The following TAFA1 variants were observed in gnomAD, a reference collection of about 807,000 sequenced individuals.
The protein encoded by TAFA1 is chemokine-like protein TAFA-1.
In TAFA1, 4 loss-of-function variants were observed where a neutral mutation model predicts 18.5. That is an observed-to-expected ratio of 0.22 (90% CI 0.11 to 0.49). TAFA1 has a LOEUF of 0.49. Among genes scored for constraint, TAFA1 ranks in the 20% least tolerant of loss-of-function variants. TAFA1 has a pLI of 0.98. For synonymous variants in TAFA1, 56 were observed against 55.2 expected, an observed-to-expected ratio of 1.01 and a Z score of -0.06; for missense variants, 147 against 169.0, an observed-to-expected ratio of 0.87 and a Z score of 0.72.
At chr3:68,045,886 C>T (rs976366287) in intron 2 of TAFA1, among the ~76,000 whole-genome samples, 23 of 152,132 alleles carry the variant, frequency 1.5e-4, no homozygotes, top group African/African-American at 5.6e-4. Context: ...TTCGAAAAGA[C>T]TTTATTCATA....
intron 2 of TAFA1, among the ~76,000 whole-genome samples, chr3:68,386,998 T>G (rs2070118912): frequency 6.6e-6 from 1 of 152,112 alleles, no homozygotes; most frequent in South Asian, 2.1e-4. Context: ...AGATTGCTAG[T>G]GTGCTCAGAA....
chr3:68,325,336 C>G (rs555713160), intron 2 of TAFA1, among the ~76,000 whole-genome samples: 84 of 152,182 alleles, frequency 5.5e-4, no homozygotes, highest in African/African-American at 1.9e-3. Context: ...TTCTTAGCCC[C>G]CCAAATACTA....
chr3:68,039,644 C>T (rs971730489), intron 2 of TAFA1, among the ~76,000 whole-genome samples: 9 of 152,096 alleles, frequency 5.9e-5, no homozygotes, highest in Non-Finnish European at 1.0e-4. Flanking sequence ...CATGAAGAGT[C>T]GCATTACCCC....
intron 2 of TAFA1, among the ~76,000 whole-genome samples, chr3:68,124,731 A>G (rs1457179630): frequency 6.6e-6 from 1 of 152,194 alleles, no homozygotes; most frequent in African/African-American, 2.4e-5. Flanking sequence ...GTGAGTCAGG[A>G]TTTGAACCAA....
intron 2 of TAFA1, among the ~76,000 whole-genome samples, chr3:68,051,839 A>G (rs908987752): frequency 6.6e-6 from 1 of 152,096 alleles, no homozygotes; most frequent in Non-Finnish European, 1.5e-5. Flanking sequence ...CCAGGTAGCT[A>G]GCTGACAAAA....
intron 2 of TAFA1, among the ~76,000 whole-genome samples, chr3:68,302,135 G>C (rs2068313393): frequency 6.6e-6 from 1 of 152,094 alleles, no homozygotes; most frequent in Non-Finnish European, 1.5e-5. Flanking sequence ...TTTAGGAAGA[G>C]AGAAATATTT....
intron 2 of TAFA1, among the ~76,000 whole-genome samples, chr3:68,199,263 C>A (rs974715260): frequency 4.6e-5 from 7 of 151,572 alleles, no homozygotes; most frequent in African/African-American, 1.7e-4. Flanking sequence ...GTTACTATAA[C>A]TTTACAGTAA....
At chr3:68,475,493 C>T (rs1053945500) in intron 3 of TAFA1, among the ~76,000 whole-genome samples, 1 of 152,124 alleles carries the variant, frequency 6.6e-6, no homozygotes, top group Admixed American at 6.6e-5. Context: ...ATGAGCTCAT[C>T]ATTTTTTATG....
intron 2 of TAFA1, among the ~76,000 whole-genome samples, chr3:68,123,526 A>C (rs1320638077): frequency 2.0e-5 from 3 of 152,186 alleles, no homozygotes; most frequent in Non-Finnish European, 4.4e-5. Flanking sequence ...ACATGTTTGC[A>C]GTGATCTCCA....
chr3:68,447,470 A>C (rs965149576), intron 3 of TAFA1, among the ~76,000 whole-genome samples: 3 of 152,178 alleles, frequency 2.0e-5, no homozygotes, highest in African/African-American at 7.2e-5. Flanking sequence ...GGATCCACTC[A>C]TTCCCCCAGT....
At chr3:68,533,832 C>T (rs1307667529) in intron 3 of TAFA1, among the ~76,000 whole-genome samples, 2 of 152,034 alleles carry the variant, frequency 1.3e-5, no homozygotes, top group East Asian at 3.9e-4. Flanking sequence ...TGACTCAGTT[C>T]GCAAGCTTTA....
intron 3 of TAFA1, among the ~76,000 whole-genome samples, chr3:68,436,219 A>G (rs1166805887): frequency 6.6e-6 from 1 of 152,216 alleles, no homozygotes; most frequent in Non-Finnish European, 1.5e-5. Context: ...ACAACCAGAT[A>G]AAGTGTAATG....
At chr3:68,227,474 G>T (rs1166517371) in intron 2 of TAFA1, among the ~76,000 whole-genome samples, 2 of 152,308 alleles carry the variant, frequency 1.3e-5, no homozygotes, top group East Asian at 1.9e-4. Flanking sequence ...GCCTTGCCAA[G>T]TTGGTGACAT....
intron 2 of TAFA1, among the ~76,000 whole-genome samples, chr3:68,097,057 A>G (rs1165986333): frequency 6.6e-6 from 1 of 152,114 alleles, no homozygotes; most frequent in African/African-American, 2.4e-5. Context: ...GAGAGATTTA[A>G]TAACAGATGC....
At chr3:68,095,330 A>G (rs1234803283) in intron 2 of TAFA1, among the ~76,000 whole-genome samples, 1 of 152,164 alleles carries the variant, frequency 6.6e-6, no homozygotes, top group Non-Finnish European at 1.5e-5. Context: ...AGTTTTTATC[A>G]ATTCAAAGAA....
chr3:68,405,699 CAAAAAAAAAAAAA>C (rs56258198), intron 2 of TAFA1, among the ~76,000 whole-genome samples: 52 of 32,846 alleles, frequency 1.6e-3, no homozygotes, highest in African/African-American at 3.1e-3. Context: ...GACTCTATCT[CAAAAAAAAAAAAA>C]AAAAAAAAAA....
chr3:68,179,226 G>A (rs540245809), intron 2 of TAFA1, among the ~76,000 whole-genome samples: 1 of 151,982 alleles, frequency 6.6e-6, no homozygotes, highest in Non-Finnish European at 1.5e-5. Flanking sequence ...CCTACTTTTG[G>A]CATTTTTAAA....
At chr3:68,059,368 G>A (rs1010938515) in intron 2 of TAFA1, among the ~76,000 whole-genome samples, 1 of 152,150 alleles carries the variant, frequency 6.6e-6, no homozygotes, top group African/African-American at 2.4e-5. Context: ...ATGCGTAGAT[G>A]AGGAAACTGA....
chr3:68,099,691 G>T (rs1245876504), intron 2 of TAFA1, among the ~76,000 whole-genome samples: 1 of 152,100 alleles, frequency 6.6e-6, no homozygotes, highest in Non-Finnish European at 1.5e-5. Flanking sequence ...AAAGACACAT[G>T]CACTTGTATG....
Sources: allele counts gnomAD v4.1 joint callset (sites outside exome capture counted in the v4.1 genomes callset), GRCh38; gene constraint gnomAD v4.1.1; transcripts MANE v1.5; gene names NCBI Gene and HGNC (gene_info 2026-07-23, HGNC 2026-07-21).